The following PIH1D2 variants were observed in gnomAD, a reference collection of about 807,000 sequenced individuals.
PIH1D2 encodes the protein PIH1 domain-containing protein 2.
A neutral mutation model predicts 31.2 loss-of-function variants in PIH1D2; 25 were observed. That is an observed-to-expected ratio of 0.80 (90% CI 0.58 to 1.12). PIH1D2 has a LOEUF of 1.12. Among genes scored for constraint, PIH1D2 ranks in the 50% most tolerant of loss-of-function variants. The pLI, the probability that PIH1D2 is intolerant of heterozygous loss-of-function variation, is 0.00. For missense variants in PIH1D2, 310 were observed against 356.6 expected (o/e 0.87, Z 1.05); for synonymous variants, 116 against 119.9 (o/e 0.97, Z 0.21).
At chr11:112,068,187 A>G (rs1864997226) in intron 5 of PIH1D2, among the ~76,000 whole-genome samples, 182 bp from the exon 6 acceptor site, 1 of 152,174 alleles carries the variant, frequency 6.6e-6, no homozygotes, top group African/African-American at 2.4e-5. Flanking sequence ...TGCTCACTAC[A>G]TCACACGTTA....
downstream of PIH1D2, chr11:112,060,077 A>G (rs1864463094): frequency 2.5e-6 from 4 of 1,610,850 alleles, no homozygotes; most frequent in South Asian, 4.4e-5. Context: ...TAGGGTATTA[A>G]TTATTGCTTT....
At chr11:112,064,796 G>A (rs1864851435), downstream of PIH1D2, among the ~76,000 whole-genome samples, 1 of 151,746 alleles carries the variant, frequency 6.6e-6, no homozygotes. Context: ...CATCACTACT[G>A]GTAAGTGATC....
intron 1 of PIH1D2, among the ~76,000 whole-genome samples, 197 bp from the exon 2 acceptor site, chr11:112,073,402 T>C (rs570416822): frequency 2.0e-5 from 3 of 152,244 alleles, no homozygotes; most frequent in East Asian, 3.9e-4. Flanking sequence ...AATTCTCACA[T>C]TGTCCTCTCA....
chr11:112,062,376 A>G (rs782743165), downstream of PIH1D2: 1 of 1,611,542 alleles, frequency 6.2e-7, no homozygotes, highest in Non-Finnish European at 8.5e-7. Flanking sequence ...TTTCTTTCAG[A>G]ATATCTAAAA....
At chr11:112,063,193 T>C (rs1247032756), downstream of PIH1D2, 2 of 152,254 alleles carry the variant, frequency 1.3e-5, no homozygotes, top group African/African-American at 4.8e-5. Flanking sequence ...AATCTAAATA[T>C]AAACCAGCTA....
chr11:112,055,629 A>C, the PIH1D2 span, among the ~76,000 whole-genome samples: 1 of 151,988 alleles, frequency 6.6e-6, no homozygotes, highest in Non-Finnish European at 1.5e-5. Flanking sequence ...CATACCTTTC[A>C]GTTCTCTCCT....
In PIH1D2 at chr11:112,073,205, C is replaced by G. The variant is rs1865202332; in HGVS notation, c.-31G>C. 6.6e-7 allele frequency: 1 copy of G among 1,524,400 alleles called. No individual in the cohort carries two copies. The highest frequency in any genetic ancestry group is 1.2e-5 in the South Asian group (1 of 80,844). The allele number at this position is 1,524,400 out of a possible 1,614,324, so 94.4% of individuals were successfully genotyped here. On this transcript the variant is annotated splice_region_variant and 5_prime_UTR_variant, in exon 2 of 6. Transcript: ENST00000280350. ...ATGAGTGGTGAATAATTTTCTTAAG[C>G]CTGTGGAAAAACACGACTTCAGGAA...
At chr11:112,053,130 T>C in the PIH1D2 span, among the ~76,000 whole-genome samples, 1 of 152,118 alleles carries the variant, frequency 6.6e-6, no homozygotes. Flanking sequence ...GAGACCAGCC[T>C]GGCCAACATG....
At chr11:112,072,095 A>C (rs781900245) in intron 2 of PIH1D2, among the ~76,000 whole-genome samples, 2 of 152,168 alleles carry the variant, frequency 1.3e-5, no homozygotes, top group Non-Finnish European at 2.9e-5. Flanking sequence ...CTCCATCTCA[A>C]AAAAAACAAA....
rs1343185403 is a variant in PIH1D2 at position 112,068,993 on chromosome 11, T to TG, written c.814-989_814-988insC. Among the ~76,000 whole-genome samples the TG allele has an allele frequency of 1.7e-3, 245 of 147,024 alleles. 3 individuals carry two copies. The highest frequency in any genetic ancestry group is 5.6e-3 in the African/African-American group (220 of 39,028). ...TCTGAATTTTTTTTGTTTTTTTTTTTTTTTGTTTTTTTTTTTTTGAGGGGA... is the reference window on the plus strand; with the variant it reads ...TCTGAATTTTTTTTGTTTTTTTTTTTGTTTTGTTTTTTTTTTTTTGAGGGGA... On this transcript the variant is annotated intron_variant, in intron 5 of 5. Coordinates refer to ENST00000280350, the MANE Select transcript of PIH1D2 (RefSeq NM_138789.4).
downstream of PIH1D2, among the ~76,000 whole-genome samples, chr11:112,067,587 A>G (rs7102803): frequency 0.08 from 11,244 of 139,986 alleles, 1,353 homozygotes; most frequent in African/African-American, 0.26. Context: ...GCTTGAGCCC[A>G]TGAGGCGGAG....
At chr11:112,061,310 A>T, downstream of PIH1D2, 1 of 846,182 alleles carries the variant, frequency 1.2e-6, no homozygotes, top group Non-Finnish European at 2.0e-6. Context: ...CCCTGATATG[A>T]TATGATGTAA....
At chr11:112,059,709 A>G (rs1864424624), downstream of PIH1D2, among the ~76,000 whole-genome samples, 1 of 152,138 alleles carries the variant, frequency 6.6e-6, no homozygotes. Context: ...TTGATTTTTA[A>G]TAACTACAAG....
At chr11:112,068,137 T>C (rs1358797503) in intron 5 of PIH1D2, 132 bp from the exon 6 acceptor site, 2 of 622,248 alleles carry the variant, frequency 3.2e-6, no homozygotes, top group African/African-American at 3.7e-5. Context: ...GAGCAAAAAA[T>C]TACTGTTGTA....
chr11:112,062,277 A>C, downstream of PIH1D2: 1 of 976,192 alleles, frequency 1.0e-6, no homozygotes, highest in Non-Finnish European at 1.6e-6. Context: ...AAGGTATAGG[A>C]GACTGGAAGA....
At chr11:112,061,284 T>C (rs782035103), downstream of PIH1D2, 2 of 1,130,100 alleles carry the variant, frequency 1.8e-6, no homozygotes, top group Non-Finnish European at 2.7e-6. Context: ...AATATCGTGA[T>C]CCACAATGCT....
chr11:112,072,778 C>T (rs1238071911), intron 2 of PIH1D2: 6 of 397,858 alleles, frequency 1.5e-5, no homozygotes, highest in South Asian at 8.8e-5. Context: ...GCAGGAGAAT[C>T]GCTTAAACCC....
chr11:112,073,051 T>G lies in PIH1D2; in HGVS notation c.124A>C (p.Lys42Gln), dbSNP rs1555185022. Residue 42 changes from lysine to glutamine, a missense_variant, in exon 2 of 6, where the codon AAA (lysine) becomes CAA (glutamine). Coordinates refer to ENST00000280350, the MANE Select transcript of PIH1D2 (RefSeq NM_138789.4). ...KFIQQQLKEG[K>Q]QLCAAPEPQL... is the part of the protein sequence containing the mutation. The stretch of plus-strand genomic sequence containing the variant: ...GGTTCTGGGGCAGCACAGAGCTGTT[T>G]CCCTTCTTTCAGCTGCTGCTGAATA... The G allele has an allele frequency of 6.2e-7, 1 of 1,614,190 alleles. No homozygotes were observed. Among genetic ancestry groups the G allele is most frequent in the East Asian group, 2.2e-5 (1 of 44,882 alleles).
chr11:112,060,128 G>A, downstream of PIH1D2: 1 of 1,290,232 alleles, frequency 7.8e-7, no homozygotes. Context: ...TGCATTTATT[G>A]CATTTTTCAC....
Sources: allele counts gnomAD v4.1 joint callset (sites outside exome capture counted in the v4.1 genomes callset), GRCh38; gene constraint gnomAD v4.1.1; transcripts MANE v1.5; gene names NCBI Gene and HGNC (gene_info 2026-07-23, HGNC 2026-07-21).